Variants in CNBD1 observed in about 807,000 individuals in gnomAD.
The protein encoded by CNBD1 is cyclic nucleotide-binding domain-containing protein 1.
CNBD1 carries 71 observed loss-of-function variants against 54.4 expected under a neutral mutation model. The observed-to-expected ratio is 1.30, with a 90% CI of 1.08 to 1.59. The LOEUF (loss-of-function observed/expected upper bound fraction) is 1.59, where lower values mean the gene tolerates loss of function less well. Among genes scored for constraint, CNBD1 ranks in the 40% most tolerant of loss-of-function variants. The pLI is 0.00. For missense variants in CNBD1, 659 were observed against 518.0 expected (o/e 1.27, Z -2.64); for synonymous variants, 182 against 170.7 (o/e 1.07, Z -0.51).
intron 4 of CNBD1, among the ~76,000 whole-genome samples, chr8:86,988,789 G>A (rs1477227819): frequency 6.6e-6 from 1 of 151,954 alleles, no homozygotes; most frequent in Non-Finnish European, 1.5e-5. Context: ...GTTTTTCTGT[G>A]CCTGGCTTAT....
At chr8:87,329,625 T>A (rs1235731660) in intron 8 of CNBD1, among the ~76,000 whole-genome samples, 1 of 152,120 alleles carries the variant, frequency 6.6e-6, no homozygotes, top group African/African-American at 2.4e-5. Flanking sequence ...TTTGTTAGAT[T>A]TGTAACTGTT....
At chr8:87,008,002 TCTGCATG>T (rs1407281234) in intron 4 of CNBD1, among the ~76,000 whole-genome samples, 1 of 152,224 alleles carries the variant, frequency 6.6e-6, no homozygotes, top group Non-Finnish European at 1.5e-5. Context: ...AATATTTTTG[TCTGCATG>T]CTCATATTGT....
intron 8 of CNBD1, among the ~76,000 whole-genome samples, chr8:87,301,416 G>A (rs1015872830): frequency 1.3e-5 from 2 of 152,104 alleles, no homozygotes; most frequent in South Asian, 4.1e-4. Context: ...CAGACCAATA[G>A]CCTTGATGAA....
intron 10 of CNBD1, among the ~76,000 whole-genome samples, chr8:87,381,357 T>G (rs1325605648): frequency 1.3e-5 from 2 of 151,972 alleles, no homozygotes; most frequent in African/African-American, 2.4e-5. Flanking sequence ...TTAGCATTGC[T>G]TATATTTAAA....
chr8:87,288,036 T>TA (rs1488328333), intron 8 of CNBD1, among the ~76,000 whole-genome samples: 2 of 152,064 alleles, frequency 1.3e-5, no homozygotes, highest in Non-Finnish European at 2.9e-5. Flanking sequence ...AACTGACTTG[T>TA]AAAAAATCGG....
intron 10 of CNBD1, among the ~76,000 whole-genome samples, chr8:87,380,991 T>C (rs949565857): frequency 6.6e-6 from 1 of 152,034 alleles, no homozygotes; most frequent in Non-Finnish European, 1.5e-5. Context: ...TGGCAATGAC[T>C]TCATGGATGT....
intron 3 of CNBD1, among the ~76,000 whole-genome samples, chr8:86,906,466 A>G (rs1403983328): frequency 7.1e-6 from 1 of 139,868 alleles, no homozygotes; most frequent in African/African-American, 2.8e-5. Context: ...TATCATGTAG[A>G]TCAAACTACA....
chr8:87,290,346 C>T (rs1808763471), intron 8 of CNBD1, among the ~76,000 whole-genome samples: 1 of 152,054 alleles, frequency 6.6e-6, no homozygotes, highest in African/African-American at 2.4e-5. Flanking sequence ...CTTGAGTTGT[C>T]ATCTGATATG....
chr8:86,868,117 C>T (rs1242703476), intron 1 of CNBD1, among the ~76,000 whole-genome samples: 1 of 152,098 alleles, frequency 6.6e-6, no homozygotes, highest in Admixed American at 6.6e-5. Flanking sequence ...CTCATGGAAG[C>T]CAATGTGTAA....
chr8:87,142,521 A>G (rs62527290), intron 4 of CNBD1, among the ~76,000 whole-genome samples: 26,728 of 152,114 alleles, frequency 0.18, 2,832 homozygotes, highest in Non-Finnish European at 0.24. Context: ...GGCTAAATAC[A>G]TTTAACTCTT....
At chr8:87,080,805 A>C (rs1017279370) in intron 4 of CNBD1, among the ~76,000 whole-genome samples, 2 of 152,068 alleles carry the variant, frequency 1.3e-5, no homozygotes, top group African/African-American at 4.8e-5. Context: ...TGTCCATTTC[A>C]CTAAATCTTC....
At chr8:87,411,659 T>A (rs1027920116) in intron 2 of CNBD1, among the ~76,000 whole-genome samples, 7 of 72,660 alleles carry the variant, frequency 9.6e-5, no homozygotes, top group African/African-American at 2.3e-4. Flanking sequence ...CTTTTTTAGA[T>A]TTTTTTTTTT....
chr8:86,963,028 A>T (rs13259108), intron 4 of CNBD1, among the ~76,000 whole-genome samples: 3,848 of 152,258 alleles, frequency 0.025, 76 homozygotes, highest in South Asian at 0.042. Flanking sequence ...CTGGTTACCC[A>T]TCTGGAAAGA....
At chr8:86,968,373 T>TG (rs1586170004) in intron 4 of CNBD1, among the ~76,000 whole-genome samples, 2 of 152,100 alleles carry the variant, frequency 1.3e-5, no homozygotes, top group African/African-American at 4.8e-5. Flanking sequence ...CAAGCATGAG[T>TG]GGGTCCTCTG....
rs563830809 is a variant in CNBD1, at chr8:87,351,927, T to C, written c.1152+133T>C. On this transcript the variant is annotated intron_variant, in intron 9 of 10. Coordinates refer to ENST00000518476, the MANE Select transcript of CNBD1 (RefSeq NM_173538.3). ...ATTTCTATTCAATTTTTTGAAATTT[T>C]TGTGTTTGTTTTTGGTTTAGTTATA... is the stretch of plus-strand genomic sequence containing the variant. The C allele has an allele frequency of 5.5e-5, 51 of 935,308 alleles. No individual in the cohort carries two copies. The South Asian group carries it at 1.5e-3, about 27-fold the overall frequency. 57.9% of individuals were successfully genotyped at this position (935,308 alleles called of 1,614,324 possible).
At chr8:87,024,087 A>G (rs1045322554) in intron 4 of CNBD1, among the ~76,000 whole-genome samples, 2 of 151,500 alleles carry the variant, frequency 1.3e-5, no homozygotes, top group African/African-American at 4.8e-5. Context: ...AATTAAAAAA[A>G]AATTAGCCTG....
chr8:87,323,704 T>C (rs1363785507), intron 8 of CNBD1, among the ~76,000 whole-genome samples: 2 of 135,664 alleles, frequency 1.5e-5, no homozygotes, highest in African/African-American at 2.7e-5. Flanking sequence ...GATTTTGGAC[T>C]GAGACGATGG....
At chr8:87,315,021 C>A (rs1203316737) in intron 8 of CNBD1, among the ~76,000 whole-genome samples, 3 of 151,966 alleles carry the variant, frequency 2.0e-5, no homozygotes, top group African/African-American at 4.8e-5. Context: ...CTAATGTCTA[C>A]ACGGAAAATT....
At position 87,166,986 on chromosome 8, in the gene CNBD1, G is replaced by A. The variant is rs147019727; in HGVS notation, c.432-39007G>A. The stretch of plus-strand genomic sequence containing the variant: ...AGCTTAACCAAAATGAATGTAGATA[G>A]CAATGTGACCATATAAAATATTTTA... On this transcript the variant is annotated intron_variant, in intron 4 of 10. Coordinates refer to ENST00000518476, the MANE Select transcript of CNBD1 (RefSeq NM_173538.3). The surrounding 1 kb of genome is among the most constrained non-coding windows in gnomAD (Gnocchi z 4.3). 2.9e-3 allele frequency among the ~76,000 whole-genome samples: 447 copies of A among 151,986 alleles called. 4 individuals carry two copies. Among genetic ancestry groups the A allele is most frequent in the African/African-American group, 0.01 (424 of 41,512 alleles).
Sources: gnomAD v4.1 joint callset for allele counts (sites outside exome capture counted in the v4.1 genomes callset) on GRCh38, gnomAD v4.1.1 for gene constraint, Gnocchi (gnomAD v3.1) non-coding constraint, MANE v1.5 for transcripts, NCBI Gene and HGNC (gene_info 2026-07-23, HGNC 2026-07-21) for gene names.